PRKAA1: variants seen among roughly 807,000 people sequenced by gnomAD.
The protein encoded by PRKAA1 is 5'-AMP-activated protein kinase catalytic subunit alpha-1.
A neutral mutation model predicts 56.9 loss-of-function variants in PRKAA1; 23 were observed. That is an observed-to-expected ratio of 0.40 (90% CI 0.29 to 0.57). PRKAA1 has a LOEUF of 0.57. PRKAA1 is among the 20% of genes least tolerant of loss of function. The pLI is 0.39. For missense variants in PRKAA1, 413 were observed against 679.7 expected (o/e 0.61, Z 4.36); for synonymous variants, 226 against 227.0 (o/e 1.00, Z 0.04).
intron 4 of PRKAA1, among the ~76,000 whole-genome samples, chr5:40,771,458 C>A (rs1268317015): frequency 6.6e-6 from 1 of 152,194 alleles, no homozygotes; most frequent in East Asian, 1.9e-4. Flanking sequence ...GCTATGATCA[C>A]GTCGCTGCCC....
intron 1 of PRKAA1, among the ~76,000 whole-genome samples, chr5:40,781,299 T>C (rs1744256106): frequency 6.6e-6 from 1 of 152,152 alleles, no homozygotes; most frequent in South Asian, 2.1e-4. Flanking sequence ...CAGTAGAATT[T>C]AGACAGTCAT....
At chr5:40,772,676 C>T (rs527590183) in intron 3 of PRKAA1, among the ~76,000 whole-genome samples, 1 of 152,100 alleles carries the variant, frequency 6.6e-6, no homozygotes, top group South Asian at 2.1e-4. Context: ...TTCTGTCATC[C>T]AGGCTGGAGT....
intron 1 of PRKAA1, among the ~76,000 whole-genome samples, chr5:40,782,180 C>T (rs1288709782): frequency 6.6e-6 from 1 of 152,088 alleles, no homozygotes; most frequent in Non-Finnish European, 1.5e-5. Flanking sequence ...GCCTGAACTC[C>T]CAAACCATCA....
chr5:40,786,572 G>A (rs1744494245), intron 1 of PRKAA1, among the ~76,000 whole-genome samples: 1 of 151,470 alleles, frequency 6.6e-6, no homozygotes, highest in Non-Finnish European at 1.5e-5. Flanking sequence ...GCTACATCAA[G>A]CAGAAGAAAA....
At chr5:40,794,822 T>C (rs1382709266) in intron 1 of PRKAA1, among the ~76,000 whole-genome samples, 1 of 113,640 alleles carries the variant, frequency 8.8e-6, no homozygotes, top group Non-Finnish European at 2.1e-5. Context: ...AGATATTCCT[T>C]AAAGAACTAA....
At chr5:40,789,578 A>C (rs1034678970) in intron 1 of PRKAA1, among the ~76,000 whole-genome samples, 2 of 152,208 alleles carry the variant, frequency 1.3e-5, no homozygotes, top group African/African-American at 4.8e-5. Context: ...GAATCTAAAA[A>C]AGTCAAACTC....
intron 4 of PRKAA1, among the ~76,000 whole-genome samples, chr5:40,770,175 T>C (rs1743665616): frequency 6.6e-6 from 1 of 152,086 alleles, no homozygotes; most frequent in Admixed American, 6.6e-5. Context: ...ATAAGAATGT[T>C]CTCTGGGCCA....
intron 1 of PRKAA1, among the ~76,000 whole-genome samples, chr5:40,784,971 G>C (rs909634058): frequency 6.6e-6 from 1 of 152,126 alleles, no homozygotes; most frequent in Non-Finnish European, 1.5e-5. Context: ...AACATAAATG[G>C]AAGTTAAACA....
At chr5:40,774,836 G>T (rs1056319956) in intron 3 of PRKAA1, 1 of 1,027,344 alleles carries the variant, frequency 9.7e-7, no homozygotes, top group Non-Finnish European at 1.5e-6. Flanking sequence ...GCAGAGGGCA[G>T]TGTTGAGTTT....
In PRKAA1 at chr5:40,759,783, A is replaced by G. The variant is rs1174412786; in HGVS notation, c.*2995T>C. ...CAGAGGATTTTGTATAAAATCATCT[A>G]AAACTCTGAAAAACTACAAAAGCAT... On this transcript the variant is annotated 3_prime_UTR_variant, in exon 9 of 9. Transcript: ENST00000397128. The G allele has an allele frequency of 2.0e-5, 3 of 152,326 alleles. No individual in the cohort carries two copies. In the East Asian group the frequency reaches 5.7e-4, roughly 29 times the overall value. 9.4% of individuals were successfully genotyped at this position (152,326 alleles called of 1,614,324 possible).
rs1293687589 is a variant in PRKAA1 at position 40,761,793 on chromosome 5, C to A, written c.*985G>T. On this transcript the variant is annotated 3_prime_UTR_variant, in exon 9 of 9. Transcript: ENST00000397128. ...TAATATGATTTATCTACAGTATATG[C>A]AACTCAGCTCTTGTAACAAAAAGAA... 6.6e-6 allele frequency: 1 copy of A among 152,290 alleles called. No homozygotes were observed. Among genetic ancestry groups the A allele is most frequent in the Non-Finnish European group, 1.5e-5 (1 of 68,042 alleles). The allele number at this position is 152,290 out of a possible 1,614,324, so 9.4% of individuals were successfully genotyped here.
Position 40,787,786 on chromosome 5 carries a change from G to T in PRKAA1, c.128-10200C>A, listed in dbSNP as rs140839679. Among the ~76,000 whole-genome samples, 521 of 151,830 alleles carry T rather than the reference G, an allele frequency of 3.4e-3. 2 individuals are homozygous for T. Among genetic ancestry groups the T allele is most frequent in the African/African-American group, 0.012 (489 of 41,452 alleles). ...GAAAGTAATAGAGAAAGGGACAAAG[G>T]TTCTACAGAAACACTAGAAAACAAT... On this transcript the variant is annotated intron_variant, in intron 1 of 8. Transcript: ENST00000397128.
intron 5 of PRKAA1, 109 bp downstream of exon 5, chr5:40,769,307 T>G (rs1031910727): frequency 1.1e-6 from 1 of 876,084 alleles, no homozygotes; most frequent in Non-Finnish European, 1.8e-6. Context: ...GAATAAGCCT[T>G]ATCTTTCTTT....
intron 1 of PRKAA1, among the ~76,000 whole-genome samples, chr5:40,782,567 C>T (rs1744305565): frequency 6.6e-6 from 1 of 151,920 alleles, no homozygotes; most frequent in Non-Finnish European, 1.5e-5. Flanking sequence ...ATTGTATTAG[C>T]AAAATTTATT....
chr5:40,787,932 C>T (rs920290848), intron 1 of PRKAA1, among the ~76,000 whole-genome samples: 8 of 152,112 alleles, frequency 5.3e-5, no homozygotes, highest in African/African-American at 7.2e-5. Context: ...TCCAACTCTG[C>T]GCTGCCTATA....
rs749348019 is a variant in PRKAA1, at chr5:40,771,759, G to C, written c.468C>G (p.Val156=). Residue 156 remains valine, a synonymous_variant, in exon 4 of 9, where the codon GTC becomes GTG. Transcript: ENST00000397128. The stretch of plus-strand genomic sequence containing the variant: ...TTGCATTCATGTGTGCATCAAGCAG[G>C]ACATTTTCAGGTTTCAAATCTCTAT... ...VVHRDLKPEN[V]LLDAHMNAKI... 6.2e-7 allele frequency: 1 copy of C among 1,612,704 alleles called. No individual in the cohort carries two copies. Among genetic ancestry groups the C allele is most frequent in the African/African-American group, 1.3e-5 (1 of 74,852 alleles).
At position 40,759,497 on chromosome 5, in the gene PRKAA1, T is replaced by C. The variant is rs1743074636; in HGVS notation, c.*3281A>G. 6.6e-6 allele frequency: 1 copy of C among 152,342 alleles called. No individual in the cohort carries two copies. The highest frequency in any genetic ancestry group is 1.5e-5 in the Non-Finnish European group (1 of 68,034). The allele number at this position is 152,342 out of a possible 1,614,324, so 9.4% of individuals were successfully genotyped here. A position where few individuals can be genotyped will look rare whatever the true frequency, so the allele number is the denominator to read the frequency against. On this transcript the variant is annotated 3_prime_UTR_variant, in exon 9 of 9. Coordinates refer to ENST00000397128, the MANE Select transcript of PRKAA1 (RefSeq NM_006251.6). ...TACATGAACCACAAATATTAACTTC[T>C]ACCTACCAACAATTTACAGTTATGT... is the stretch of plus-strand genomic sequence containing the variant.
In PRKAA1 at chr5:40,767,452, A is replaced by C. The variant is rs755525400; in HGVS notation, c.821+14T>G. The C allele has an allele frequency of 6.9e-6, 11 of 1,592,730 alleles. No individual in the cohort carries two copies. Among genetic ancestry groups the C allele is most frequent in the Non-Finnish European group, 9.5e-6 (11 of 1,161,802 alleles). ...ATACTATCAGATCTGATAACTTCCA[A>C]ACTGCTTTATTACCTGATATCTTTG... On this transcript the variant is annotated intron_variant, in intron 6 of 8. Coordinates refer to ENST00000397128, the MANE Select transcript of PRKAA1 (RefSeq NM_006251.6).
At chr5:40,776,841 T>C (rs1275780349) in intron 2 of PRKAA1, among the ~76,000 whole-genome samples, 2 of 152,306 alleles carry the variant, frequency 1.3e-5, no homozygotes, top group East Asian at 1.9e-4. Context: ...GAGTTTTTAC[T>C]AGCAGATCAC....
Sources: gnomAD v4.1 joint callset for allele counts (sites outside exome capture counted in the v4.1 genomes callset) on GRCh38, gnomAD v4.1.1 for gene constraint, MANE v1.5 for transcripts, NCBI Gene and HGNC (gene_info 2026-07-23, HGNC 2026-07-21) for gene names.